The following PRDM7 variants were observed in gnomAD, a reference collection of about 807,000 sequenced individuals.
PRDM7 encodes the protein PR/SET domain 7.
In PRDM7, 52 loss-of-function variants were observed where a neutral mutation model predicts 64.3. That is an observed-to-expected ratio of 0.81 (90% CI 0.65 to 1.02). The LOEUF (loss-of-function observed/expected upper bound fraction) is 1.02, where lower values mean the gene tolerates loss of function less well. Ranked by LOEUF, PRDM7 falls within the 50% of genes least tolerant of loss-of-function variation. The probability of loss-of-function intolerance (pLI) is 0.00; values close to 1 mark genes in which losing one functional copy is unlikely to be tolerated. For missense variants in PRDM7, 574 were observed against 597.1 expected, an observed-to-expected ratio of 0.96 and a Z score of 0.40; for synonymous variants, 192 against 210.1, an observed-to-expected ratio of 0.91 and a Z score of 0.74.
chr16:90,072,014 A>G lies in PRDM7; in HGVS notation c.301+2902T>C, dbSNP rs989482394. Among the ~76,000 whole-genome samples, 111 of 152,186 alleles carry G rather than the reference A, an allele frequency of 7.3e-4. 3 individuals are homozygous for G. Among genetic ancestry groups the G allele is most frequent in the Non-Finnish European group, 1.8e-4 (12 of 68,026 alleles). On this transcript the variant is annotated intron_variant, in intron 4 of 10. Transcript: ENST00000449207. ...GAGCCCATGAGGCAGGCGGATCATG[A>G]GGTCAGGAGATCGAGACCATCCTGG...
At position 90,058,850 on chromosome 16, in the gene PRDM7, G is replaced by C. The variant is rs538854809; in HGVS notation, c.1234-316C>G. 1.1e-3 allele frequency among the ~76,000 whole-genome samples: 161 copies of C among 152,222 alleles called. 1 individual carries two copies. Among genetic ancestry groups the C allele is most frequent in the African/African-American group, 3.8e-3 (157 of 41,524 alleles). ...GCAGTGACCTTTCCCCCATGCCACA[G>C]GTATCTTCCAAGTCCTGTAAAGCCT... is the stretch of plus-strand genomic sequence containing the variant. On this transcript the variant is annotated intron_variant, in intron 10 of 10. Coordinates refer to ENST00000449207, the MANE Select transcript of PRDM7 (RefSeq NM_001098173.2).
intron 4 of PRDM7, among the ~76,000 whole-genome samples, chr16:90,074,548 C>T (rs1416267269): frequency 6.6e-6 from 1 of 151,782 alleles, no homozygotes; most frequent in Non-Finnish European, 1.5e-5. Flanking sequence ...TGTACTCCAG[C>T]CTGGATGACA....
chr16:90,075,395 C>T lies in PRDM7; in HGVS notation c.149G>A (p.Arg50His), dbSNP rs536731786. Residue 50 changes from arginine to histidine, a missense_variant, in exon 3 of 11, where the codon CGC becomes CAC. Coordinates refer to ENST00000449207, the MANE Select transcript of PRDM7 (RefSeq NM_001098173.2). This position sits in a 1 kb window ranked among gnomAD's most constrained non-coding sequence, Gnocchi z 4.3. ...ATAGTTCATTTTCACATTCCTATAG[C>T]GAGTTTTCTCCCAGTCTCCCATTTC... ...WAEMGDWEKT[R>H]YRNVKMNYNA... 1.4e-5 allele frequency: 23 copies of T among 1,614,194 alleles called. No individual in the cohort carries two copies. The highest frequency in any genetic ancestry group is 1.6e-4 in the Middle Eastern group (1 of 6,062).
intron 4 of PRDM7, among the ~76,000 whole-genome samples, chr16:90,068,462 C>T (rs2037910264): frequency 6.7e-6 from 1 of 149,724 alleles, no homozygotes; most frequent in Admixed American, 6.6e-5. Flanking sequence ...GGTGAAACCC[C>T]ATCTCTACTA....
chr16:90,065,717 A>G (rs1401156756), intron 5 of PRDM7, among the ~76,000 whole-genome samples: 1 of 151,468 alleles, frequency 6.6e-6, no homozygotes, highest in Non-Finnish European at 1.5e-5. Context: ...CCTTGGCGCA[A>G]GAGCCAGACT....
intron 4 of PRDM7, among the ~76,000 whole-genome samples, chr16:90,067,882 G>A (rs1314415695): frequency 2.6e-5 from 4 of 151,150 alleles, no homozygotes; most frequent in East Asian, 1.9e-4. Flanking sequence ...GAGCCACCGC[G>A]CCCAGCCGAA....
In PRDM7 at chr16:90,062,165, A is replaced by T. The variant is rs1483081766; in HGVS notation, c.638T>A (p.Ile213Asn). 1.9e-6 allele frequency: 3 copies of T among 1,614,150 alleles called. No homozygotes were observed. The highest frequency in any genetic ancestry group is 2.7e-5 in the African/African-American group (2 of 74,956). ...LYCEMCQNFF[I>N]DSCAAHGPPT... The stretch of plus-strand genomic sequence containing the variant: ...GGGCCCATGAGCAGCACAGCTGTCA[A>T]TGAAGAAGTTCTGACACATCTCACA... Residue 213 changes from isoleucine to asparagine, a missense_variant, in exon 8 of 11, where the codon ATT (isoleucine) becomes AAT (asparagine). Physicochemically the swap from Ile to Asn is moderately radical, Grantham distance 149. Coordinates refer to ENST00000449207, the MANE Select transcript of PRDM7 (RefSeq NM_001098173.2).
Position 90,058,222 on chromosome 16 carries a change from C to A in PRDM7, c.*67G>T. The A allele has an allele frequency of 6.2e-7, 1 of 1,614,206 alleles. No homozygotes were observed. The highest frequency in any genetic ancestry group is 8.5e-7 in the Non-Finnish European group (1 of 1,180,022). On this transcript the variant is annotated 3_prime_UTR_variant, in exon 11 of 11. Transcript: ENST00000449207. ...CATCATTCTTTCTCCCACTCTAGAG[C>A]TCCCCATTTGTCCTTTGGGTGGGCT...
At chr16:90,070,973 A>T (rs1406721806) in intron 4 of PRDM7, among the ~76,000 whole-genome samples, 1 of 152,250 alleles carries the variant, frequency 6.6e-6, no homozygotes, top group Admixed American at 6.5e-5. Context: ...AACCACAATG[A>T]GATATCACCT....
chr16:90,057,798 C>T lies in PRDM7; in HGVS notation c.*491G>A. On this transcript the variant is annotated 3_prime_UTR_variant, in exon 11 of 11. Transcript: ENST00000449207. ...GCAAGTGTGTGGTGATCACGTTTGT[C>T]TTCTTGTGGCTATTGAGATAAGGTT... 7.3e-7 allele frequency: 1 copy of T among 1,378,154 alleles called. No homozygotes were observed. The highest frequency in any genetic ancestry group is 1.2e-5 in the South Asian group (1 of 84,372). The allele number at this position is 1,378,154 out of a possible 1,614,324, so 85.4% of individuals were successfully genotyped here.
Position 90,062,147 on chromosome 16 carries a change from T to C in PRDM7, c.656A>G (p.His219Arg), listed in dbSNP as rs2037790510. The change falls in exon 8 of 11, where the codon CAT (histidine) becomes CGT (arginine). Residue 219 changes from histidine to arginine, a missense_variant. By Grantham distance (29) the His-to-Arg change is conservative. Transcript: ENST00000449207. ...GTCCTTTACAAATGTAGGGGGCCCA[T>C]GAGCAGCACAGCTGTCAATGAAGAA... ...QNFFIDSCAA[H>R]GPPTFVKDSA... 5.0e-6 allele frequency: 8 copies of C among 1,614,240 alleles called. No individual in the cohort carries two copies. The highest frequency in any genetic ancestry group is 6.8e-6 in the Non-Finnish European group (8 of 1,180,046).
chr16:90,075,526 G>C lies in PRDM7; in HGVS notation c.70-52C>G, dbSNP rs199794063. ...TGATTTACTAATACACATCGAGCTG[G>C]TCCTTTTCCTCTACCCTGCGTGTAG... On this transcript the variant is annotated intron_variant, in intron 2 of 10. Coordinates refer to ENST00000449207, the MANE Select transcript of PRDM7 (RefSeq NM_001098173.2). The surrounding 1 kb of genome is among the most constrained non-coding windows in gnomAD (Gnocchi z 4.3). 635 of 1,613,992 alleles carry C rather than the reference G, an allele frequency of 3.9e-4. 1 individual carries two copies. Among genetic ancestry groups the C allele is most frequent in the South Asian group, 5.8e-4 (53 of 91,044 alleles).
intron 4 of PRDM7, among the ~76,000 whole-genome samples, chr16:90,070,767 G>C (rs957082846): frequency 6.6e-6 from 1 of 152,112 alleles, no homozygotes; most frequent in Non-Finnish European, 1.5e-5. Context: ...TTACTACCAG[G>C]CTTCAGAAAT....
chr16:90,059,102 T>G (rs2037727109), intron 10 of PRDM7, among the ~76,000 whole-genome samples: 1 of 152,204 alleles, frequency 6.6e-6, no homozygotes, highest in Non-Finnish European at 1.5e-5. Context: ...TTGAGTATCC[T>G]CATTCAAAAG....
chr16:90,063,308 C>A (rs987191122), intron 6 of PRDM7, among the ~76,000 whole-genome samples: 10 of 152,058 alleles, frequency 6.6e-5, no homozygotes, highest in Admixed American at 6.6e-5. Flanking sequence ...CACGGTGGTG[C>A]ACACCTATAA....
intron 4 of PRDM7, 148 bp downstream of exon 4, chr16:90,074,768 A>G: frequency 2.7e-6 from 2 of 742,184 alleles, no homozygotes; most frequent in Non-Finnish European, 4.4e-6. Context: ...AATCCCAGTT[A>G]TTTGGGAGGC....
intron 5 of PRDM7, among the ~76,000 whole-genome samples, chr16:90,065,749 C>T (rs1036768400): frequency 1.3e-5 from 2 of 151,396 alleles, no homozygotes; most frequent in African/African-American, 2.5e-5. Flanking sequence ...TACCCCCTGC[C>T]CCTGTAGAAA....
intron 4 of PRDM7, among the ~76,000 whole-genome samples, chr16:90,073,134 C>T (rs1043655842): frequency 5.9e-5 from 9 of 152,118 alleles, no homozygotes; most frequent in African/African-American, 2.2e-4. Flanking sequence ...AACTAAACAG[C>T]TCTCTCAAAC....
intron 5 of PRDM7, among the ~76,000 whole-genome samples, chr16:90,065,677 G>T (rs2037862674): frequency 6.6e-6 from 1 of 151,274 alleles, no homozygotes; most frequent in African/African-American, 2.5e-5. Context: ...GGAGGCTGCA[G>T]TAAGCCGAGA....
Sources: allele counts gnomAD v4.1 joint callset (sites outside exome capture counted in the v4.1 genomes callset), GRCh38; gene constraint gnomAD v4.1.1; non-coding constraint Gnocchi (gnomAD v3.1); transcripts MANE v1.5; gene names NCBI Gene and HGNC (gene_info 2026-07-23, HGNC 2026-07-21).